CUL2: variants seen among roughly 807,000 people sequenced by gnomAD.
The protein encoded by CUL2 is cullin 2.
A neutral mutation model predicts 110.2 loss-of-function variants in CUL2; 22 were observed. The observed-to-expected ratio is 0.20, with a 90% CI of 0.14 to 0.28. The LOEUF (loss-of-function observed/expected upper bound fraction) is 0.28, where lower values mean the gene tolerates loss of function less well. Among genes scored for constraint, CUL2 ranks in the 10% least tolerant of loss-of-function variants. The pLI is 1.00. For missense variants in CUL2, 631 were observed against 905.5 expected (o/e 0.70, Z 3.89); for synonymous variants, 279 against 293.2 (o/e 0.95, Z 0.49).
At chr10:35,061,109 C>A in intron 3 of CUL2, 141 bp from the exon 4 acceptor site, 3 of 886,134 alleles carry the variant, frequency 3.4e-6, no homozygotes. Context: ...CACATATTAA[C>A]TACACGTATT....
intron 6 of CUL2, among the ~76,000 whole-genome samples, chr10:35,048,768 C>A (rs2086016232): frequency 1.3e-5 from 2 of 152,190 alleles, no homozygotes; most frequent in Admixed American, 1.3e-4. Context: ...CTAGTTGTTA[C>A]CACCTACTTT....
intron 6 of CUL2, among the ~76,000 whole-genome samples, chr10:35,047,745 G>A (rs547039150): frequency 3.3e-5 from 5 of 150,570 alleles, no homozygotes; most frequent in African/African-American, 4.9e-5. Context: ...GGTGAAAACC[G>A]GTCTCTACTA....
chr10:35,069,880 G>A (rs549829066), intron 2 of CUL2, among the ~76,000 whole-genome samples: 4 of 152,208 alleles, frequency 2.6e-5, no homozygotes, highest in African/African-American at 9.6e-5. Context: ...TAACACACAA[G>A]TAGCAACACT....
At chr10:35,078,819 A>G (rs547810439) in intron 1 of CUL2, among the ~76,000 whole-genome samples, 8 of 152,332 alleles carry the variant, frequency 5.3e-5, no homozygotes, top group Admixed American at 2.0e-4. Context: ...CTCCTGAATG[A>G]CGATTTATTT....
chr10:35,017,405 C>G (rs1340137928), intron 17 of CUL2, among the ~76,000 whole-genome samples: 2 of 151,624 alleles, frequency 1.3e-5, no homozygotes, highest in Non-Finnish European at 2.9e-5. Flanking sequence ...TAAATATGTT[C>G]TATATGTGCT....
intron 1 of CUL2, among the ~76,000 whole-genome samples, chr10:35,106,052 C>T (rs2087451280): frequency 6.6e-6 from 1 of 152,112 alleles, no homozygotes; most frequent in Non-Finnish European, 1.5e-5. Flanking sequence ...CCCCAAAATT[C>T]GTATGTTGAA....
intron 1 of CUL2, among the ~76,000 whole-genome samples, chr10:35,076,590 C>T (rs572217280): frequency 6.6e-6 from 1 of 152,208 alleles, no homozygotes; most frequent in Admixed American, 6.5e-5. Flanking sequence ...CTCATTGCCA[C>T]CTCCCATTGA....
At chr10:35,123,968 T>G (rs2087708664) in intron 1 of CUL2, among the ~76,000 whole-genome samples, 1 of 152,148 alleles carries the variant, frequency 6.6e-6, no homozygotes, top group African/African-American at 2.4e-5. Context: ...ACTGTCTACA[T>G]TAGGGAGACA....
intron 1 of CUL2, among the ~76,000 whole-genome samples, chr10:35,080,800 A>G (rs2086928836): frequency 1.3e-5 from 2 of 152,208 alleles, no homozygotes; most frequent in Admixed American, 1.3e-4. Context: ...AGTTGGGGAA[A>G]AAAGAGTGAA....
intron 2 of CUL2, among the ~76,000 whole-genome samples, chr10:35,069,545 A>C (rs2086627512): frequency 1.3e-5 from 2 of 151,982 alleles, no homozygotes; most frequent in Non-Finnish European, 2.9e-5. Flanking sequence ...TGTCTCTAAA[A>C]AGTAAAAATT....
At chr10:35,021,668 G>T (rs1288282651) in intron 17 of CUL2, among the ~76,000 whole-genome samples, 3 of 137,482 alleles carry the variant, frequency 2.2e-5, no homozygotes, top group East Asian at 4.2e-4. Context: ...GGCCTGCCTG[G>T]TCTTCTCACT....
chr10:35,086,828 T>A (rs2087077269), intron 1 of CUL2, among the ~76,000 whole-genome samples: 1 of 152,218 alleles, frequency 6.6e-6, no homozygotes, highest in East Asian at 1.9e-4. Flanking sequence ...TGTGTTCTCA[T>A]CCTATTTCAT....
In CUL2 at chr10:35,038,971, G is replaced by T. The variant is rs757282699; in HGVS notation, c.826C>A (p.Gln276Lys). The T allele has an allele frequency of 6.8e-6, 11 of 1,608,970 alleles. No individual in the cohort carries two copies. In the South Asian group the frequency reaches 1.2e-4, roughly 18 times the overall value. ...CQQRMVADHLQFLHAECHNII... is the reference protein window; with the variant it reads ...CQQRMVADHLKFLHAECHNII... ...TTATGACATTCTGCATGTAAAAACTGTAAGTGGTCTGCTACCATTCGTTGT... is the reference window on the plus strand; with the variant it reads ...TTATGACATTCTGCATGTAAAAACTTTAAGTGGTCTGCTACCATTCGTTGT... The change falls in exon 9 of 21, where the codon CAG becomes AAG. Residue 276 changes from glutamine to lysine, a missense_variant. By Grantham distance (53) the Gln-to-Lys change is moderately conservative. Around this residue, in one of 3 missense-constraint regions of CUL2, gnomAD observed 338 missense variants for 442.5 expected, o/e 0.76. Coordinates refer to ENST00000374749, the MANE Select transcript of CUL2 (RefSeq NM_003591.4).
chr10:35,126,850 T>G (rs2087865397), upstream of CUL2: 1 of 151,936 alleles, frequency 6.6e-6, no homozygotes, highest in South Asian at 2.1e-4. Context: ...CATTTCATTG[T>G]TGGATTGTGG....
At chr10:35,119,247 A>G (rs2087645429) in intron 1 of CUL2, among the ~76,000 whole-genome samples, 1 of 152,230 alleles carries the variant, frequency 6.6e-6, no homozygotes, top group South Asian at 2.1e-4. Flanking sequence ...GGTAAGGCTC[A>G]GTTTCAGCTT....
chr10:35,106,144 G>T (rs2087452217), intron 1 of CUL2, among the ~76,000 whole-genome samples: 1 of 152,124 alleles, frequency 6.6e-6, no homozygotes, highest in Non-Finnish European at 1.5e-5. Flanking sequence ...TTCTGAATGG[G>T]ATTAGTGCCT....
chr10:35,029,940 C>T (rs2085439340), intron 14 of CUL2, among the ~76,000 whole-genome samples: 1 of 152,156 alleles, frequency 6.6e-6, no homozygotes, highest in Non-Finnish European at 1.5e-5. Flanking sequence ...CTGCAAAATG[C>T]CCCGTTACTA....
At chr10:35,065,431 T>A (rs1413156300) in intron 2 of CUL2, among the ~76,000 whole-genome samples, 1 of 151,852 alleles carries the variant, frequency 6.6e-6, no homozygotes, top group East Asian at 1.9e-4. Context: ...CCATCCTGGC[T>A]AACATGGTGA....
intron 1 of CUL2, among the ~76,000 whole-genome samples, chr10:35,119,140 C>T (rs1403824438): frequency 6.6e-6 from 1 of 152,216 alleles, no homozygotes; most frequent in African/African-American, 2.4e-5. Context: ...TTCACCTACA[C>T]ATAGCAGCCG....
Sources: gnomAD v4.1 joint callset for allele counts (sites outside exome capture counted in the v4.1 genomes callset) on GRCh38, gnomAD v4.1.1 for gene constraint, gnomAD v4.1.1 regional missense constraint, MANE v1.5 for transcripts, NCBI Gene and HGNC (gene_info 2026-07-23, HGNC 2026-07-21) for gene names.